TSC2: variants seen among roughly 807,000 people sequenced by gnomAD.
The protein encoded by TSC2 is tuberin.
In TSC2, 29 loss-of-function variants were observed where a neutral mutation model predicts 202.2. The ratio of observed to expected loss-of-function variants is 0.14; its 90% CI spans 0.11 to 0.20. The LOEUF is 0.20. Ranked by LOEUF, TSC2 falls within the 10% of genes least tolerant of loss-of-function variation. The pLI is 1.00. For synonymous variants in TSC2, 1,349 were observed against 1,044.0 expected (o/e 1.29, Z -5.63); for missense variants, 2,429 against 2,420.0 (o/e 1.00, Z -0.08).
In TSC2 at chr16:2,079,264, C is replaced by G. The variant is rs112484256; in HGVS notation, c.3132-12C>G. ...CACGGGCAAGCTGGGTTTCACGCTC[C>G]CTGTCTTCTAGGTCTCCTGTGGGCG... On this transcript the variant is annotated splice_polypyrimidine_tract_variant and intron_variant, in intron 27 of 41. Coordinates refer to ENST00000219476, the MANE Select transcript of TSC2 (RefSeq NM_000548.5). This position sits in a 1 kb window ranked among gnomAD's most constrained non-coding sequence, Gnocchi z 4.6. The G allele has an allele frequency of 6.2e-7, 1 of 1,612,980 alleles. No homozygotes were observed.
intron 2 of TSC2, among the ~76,000 whole-genome samples, chr16:2,049,474 C>T (rs2084817089): frequency 6.6e-6 from 1 of 152,158 alleles, no homozygotes; most frequent in African/African-American, 2.4e-5. Flanking sequence ...AATTTTTGCA[C>T]TTGTAAAGTT....
intron 30 of TSC2, 102 bp from the exon 31 acceptor site, chr16:2,081,493 C>T (rs2090135912): frequency 4.9e-6 from 7 of 1,439,330 alleles, no homozygotes; most frequent in Non-Finnish European, 2.9e-6. Flanking sequence ...TGGGAGGGAG[C>T]ATGAGGGCAA....
rs1555500560 is a variant in TSC2, at chr16:2,060,772, A to G, written c.1078A>G (p.Ile360Val). ...RKELQVVAWD[I>V]LLNIIERLLQ... is the part of the protein sequence containing the mutation. ...GGAGCTCCAGGTGGTGGCGTGGGACATTCTGCTGAACATCATCGAACGGCT... is the reference window on the plus strand; with the variant it reads ...GGAGCTCCAGGTGGTGGCGTGGGACGTTCTGCTGAACATCATCGAACGGCT... Residue 360 changes from isoleucine to valine, a missense_variant, in exon 11 of 42, where the codon ATT becomes GTT. Ile to Val is a conservative substitution (Grantham distance 29). Transcript: ENST00000219476. The G allele has an allele frequency of 3.1e-6, 5 of 1,613,934 alleles. No homozygotes were observed. The highest frequency in any genetic ancestry group is 4.2e-6 in the Non-Finnish European group (5 of 1,179,908).
At chr16:2,050,165 C>A (rs368516929) in intron 2 of TSC2, among the ~76,000 whole-genome samples, 156 of 152,212 alleles carry the variant, frequency 1.0e-3, no homozygotes, top group African/African-American at 3.7e-3. Context: ...TCATGTTGGG[C>A]AGGCTGGTCT....
rs2151386300 is a variant in TSC2, at chr16:2,076,078, T to G, written c.2650T>G (p.Tyr884Asp). The change falls in exon 24 of 42, where the codon TAC becomes GAC. Residue 884 changes from tyrosine (Y) to aspartate (D), a missense_variant. Tyr to Asp is a radical substitution (Grantham distance 160). Coordinates refer to ENST00000219476, the MANE Select transcript of TSC2 (RefSeq NM_000548.5). Reference protein sequence around the residue: ...PYTNPSKFNQYIVCLAHHVIA... With the variant: ...PYTNPSKFNQDIVCLAHHVIA... ...CCCTTCTCATCTCAGGTTTAATCAGTACATCGTGTGTCTGGCCCATCACGT... is the reference window on the plus strand; with the variant it reads ...CCCTTCTCATCTCAGGTTTAATCAGGACATCGTGTGTCTGGCCCATCACGT... 6.2e-7 allele frequency: 1 copy of G among 1,613,978 alleles called. No homozygotes were observed. The highest frequency in any genetic ancestry group is 8.5e-7 in the Non-Finnish European group (1 of 1,180,036).
At chr16:2,061,684 TG>T in intron 11 of TSC2, 186 bp from the exon 12 acceptor site, 1 of 923,878 alleles carries the variant, frequency 1.1e-6, no homozygotes. Flanking sequence ...GGAGAGGATC[TG>T]GGGGTGTCTC....
Position 2,063,050 on chromosome 16 carries a change from T to C in TSC2, c.1440T>C (p.Tyr480=), listed in dbSNP as rs45514794. Residue 480 remains tyrosine (Y), a synonymous_variant, in exon 14 of 42, where the codon TAT becomes TAC. Coordinates refer to ENST00000219476, the MANE Select transcript of TSC2 (RefSeq NM_000548.5). ...TGCTGCTCATCAACAGGCAGTTCTA[T>C]GAGGTGCGTGTCCAGGCGGCCGCAG... ...SFVLLINRQF[Y]EEELINSVVI... The C allele has an allele frequency of 3.2e-6, 5 of 1,551,364 alleles. No individual in the cohort carries two copies. Among genetic ancestry groups the C allele is most frequent in the Non-Finnish European group, 3.5e-6 (4 of 1,146,906 alleles).
intron 39 of TSC2, 30 bp from the exon 40 acceptor site, chr16:2,088,018 G>A (rs2151618400): frequency 6.2e-7 from 1 of 1,612,810 alleles, no homozygotes; most frequent in Non-Finnish European, 8.5e-7. Flanking sequence ...CAAGAGCCCT[G>A]GGCCTGGCGT....
chr16:2,053,823 C>A (rs1355840435), intron 4 of TSC2: 1 of 506,302 alleles, frequency 2.0e-6, no homozygotes, highest in Non-Finnish European at 3.9e-6. Context: ...TCCATCTGTG[C>A]TGGTCTTGGC....
intron 23 of TSC2, 38 bp from the exon 24 acceptor site, chr16:2,076,030 G>C (rs890967582): frequency 1.5e-5 from 24 of 1,613,582 alleles, no homozygotes; most frequent in Non-Finnish European, 1.9e-5. Context: ...ATGTTTCCCT[G>C]CTGCCAGGAT....
At chr16:2,069,202 A>T (rs76258094) in intron 16 of TSC2, among the ~76,000 whole-genome samples, 7 of 152,186 alleles carry the variant, frequency 4.6e-5, no homozygotes, top group African/African-American at 1.7e-4. Context: ...TGGCCTTCCC[A>T]GAATGGGGGG....
chr16:2,072,793 G>C, intron 20 of TSC2, 56 bp from the exon 21 acceptor site: 1 of 1,612,030 alleles, frequency 6.2e-7, no homozygotes, highest in Admixed American at 1.7e-5. Context: ...AGCCCCTCTG[G>C]CTACCCCGTG....
rs1382268457 is a variant in TSC2, at chr16:2,072,887, C to A, written c.2259C>A (p.Ala753=). ...GPKTLERLRG[A]PEGFSRTDLH... is the part of the protein sequence containing the mutation. ...AGACACTGGAGCGGCTCCGAGGCGC[C>A]CCAGAAGGCTTCTCCAGAACTGACT... The change falls in exon 21 of 42, where the codon GCC becomes GCA. Residue 753 remains alanine, a synonymous_variant. Coordinates refer to ENST00000219476, the MANE Select transcript of TSC2 (RefSeq NM_000548.5). The A allele has an allele frequency of 6.2e-7, 1 of 1,613,576 alleles. No individual in the cohort carries two copies. Among genetic ancestry groups the A allele is most frequent in the Non-Finnish European group, 8.5e-7 (1 of 1,180,032 alleles).
intron 7 of TSC2, 89 bp from the exon 8 acceptor site, chr16:2,056,555 C>A (rs2085854093): frequency 6.4e-7 from 1 of 1,559,798 alleles, no homozygotes; most frequent in Non-Finnish European, 8.6e-7. Context: ...GCAGCGCAGG[C>A]TGAAGGAGGT....
chr16:2,055,154 C>T (rs1374320139), intron 5 of TSC2: 27 of 579,686 alleles, frequency 4.7e-5, no homozygotes, highest in Non-Finnish European at 7.5e-5. Context: ...CTTCTGCTGC[C>T]GCCTCGGCAC....
intron 15 of TSC2, chr16:2,065,132 G>T: frequency 5.3e-6 from 1 of 189,240 alleles, no homozygotes; most frequent in Non-Finnish European, 1.1e-5. Context: ...AAAAAAAAAG[G>T]GCCGGGCACG....
chr16:2,066,716 A>G (rs532683570), intron 16 of TSC2, among the ~76,000 whole-genome samples: 2 of 129,690 alleles, frequency 1.5e-5, no homozygotes, highest in Admixed American at 2.0e-4. Flanking sequence ...AGTGGAGTGC[A>G]GTGGCGCGAT....
chr16:2,058,176 G>A (rs1185789688), intron 9 of TSC2, among the ~76,000 whole-genome samples: 2 of 141,812 alleles, frequency 1.4e-5, no homozygotes, highest in Non-Finnish European at 3.0e-5. Flanking sequence ...CTGGGGGCCA[G>A]CCCTGCCTCA....
intron 23 of TSC2, 58 bp downstream of exon 23, chr16:2,075,950 G>A (rs1204835117): frequency 1.2e-6 from 2 of 1,612,320 alleles, no homozygotes; most frequent in South Asian, 1.1e-5. Context: ...AGGCCTTGCG[G>A]CAGAAAGCCC....
Sources: allele counts gnomAD v4.1 joint callset (sites outside exome capture counted in the v4.1 genomes callset), GRCh38; gene constraint gnomAD v4.1.1; non-coding constraint Gnocchi (gnomAD v3.1); transcripts MANE v1.5; gene names NCBI Gene and HGNC (gene_info 2026-07-23, HGNC 2026-07-21).